DIAPH3: variants seen among roughly 807,000 people sequenced by gnomAD.
DIAPH3 encodes the protein protein diaphanous homolog 3.
Under a neutral mutation model 144.3 loss-of-function variants are expected in DIAPH3, and 117 were observed. The ratio of observed to expected loss-of-function variants is 0.81; its 90% CI spans 0.70 to 0.95. The LOEUF (loss-of-function observed/expected upper bound fraction) is 0.95. Among genes scored for constraint, DIAPH3 ranks in the 40% least tolerant of loss-of-function variants. The pLI is 0.00. For synonymous variants in DIAPH3, 519 were observed against 488.9 expected (o/e 1.06, Z -0.81); for missense variants, 1,421 against 1,412.7 (o/e 1.01, Z -0.09).
intron 24 of DIAPH3, among the ~76,000 whole-genome samples, chr13:59,831,749 T>C (rs1190496077): frequency 6.6e-6 from 1 of 151,884 alleles, no homozygotes; most frequent in African/African-American, 2.4e-5. Flanking sequence ...CTAGGTCTCT[T>C]AGTAGCCAGT....
chr13:59,698,984 C>T (rs1238606409), intron 27 of DIAPH3, among the ~76,000 whole-genome samples: 3 of 152,116 alleles, frequency 2.0e-5, no homozygotes, highest in African/African-American at 7.2e-5. Flanking sequence ...ATCTTTAATA[C>T]CCAATTATTA....
chr13:59,956,310 T>C (rs969287510), intron 17 of DIAPH3, among the ~76,000 whole-genome samples: 2 of 152,160 alleles, frequency 1.3e-5, no homozygotes, highest in Admixed American at 6.5e-5. Flanking sequence ...AATGATTTCG[T>C]AGGCGGGCCA....
chr13:59,976,377 T>C (rs1237909361), intron 14 of DIAPH3, among the ~76,000 whole-genome samples: 2 of 151,864 alleles, frequency 1.3e-5, no homozygotes, highest in Non-Finnish European at 2.9e-5. Context: ...ACTTAAATTA[T>C]CAAAAATAAA....
At chr13:59,871,609 C>A (rs79462837) in intron 21 of DIAPH3, among the ~76,000 whole-genome samples, 1 of 152,152 alleles carries the variant, frequency 6.6e-6, no homozygotes, top group Admixed American at 6.5e-5. Flanking sequence ...AATGTCGCAC[C>A]CAGCCAGGAT....
At chr13:60,112,687 G>T (rs2058600492) in intron 2 of DIAPH3, among the ~76,000 whole-genome samples, 1 of 152,070 alleles carries the variant, frequency 6.6e-6, no homozygotes, top group Non-Finnish European at 1.5e-5. Context: ...TCATAGCTTA[G>T]TGGCCTGATA....
intron 17 of DIAPH3, among the ~76,000 whole-genome samples, chr13:59,952,095 A>T (rs1046486275): frequency 2.0e-5 from 3 of 152,192 alleles, no homozygotes; most frequent in African/African-American, 7.2e-5. Context: ...CATAGCACTG[A>T]CACATGCTAC....
At chr13:59,724,670 G>A (rs921609575) in intron 27 of DIAPH3, among the ~76,000 whole-genome samples, 1 of 152,188 alleles carries the variant, frequency 6.6e-6, no homozygotes, top group African/African-American at 2.4e-5. Context: ...CCTTTCAAAA[G>A]GGGATGGGCC....
At chr13:59,846,806 T>C (rs1022204717) in intron 22 of DIAPH3, among the ~76,000 whole-genome samples, 3 of 152,200 alleles carry the variant, frequency 2.0e-5, no homozygotes, top group Admixed American at 2.0e-4. Context: ...CCGGGTGCAG[T>C]GGTTCACTCC....
intron 23 of DIAPH3, among the ~76,000 whole-genome samples, chr13:59,835,631 G>A (rs1206952101): frequency 6.6e-6 from 1 of 151,646 alleles, no homozygotes; most frequent in African/African-American, 2.4e-5. Flanking sequence ...AGGCAAGAAA[G>A]AAAGAACAGA....
intron 4 of DIAPH3, among the ~76,000 whole-genome samples, chr13:60,050,470 G>C (rs1204345689): frequency 6.6e-6 from 1 of 152,124 alleles, no homozygotes. Context: ...AAATGTTTTT[G>C]TATGATCTTG....
chr13:60,127,937 T>G (rs2059031269), intron 2 of DIAPH3, among the ~76,000 whole-genome samples: 1 of 152,174 alleles, frequency 6.6e-6, no homozygotes, highest in African/African-American at 2.4e-5. Context: ...CAGAGGTACA[T>G]GTGCAGGTTT....
chr13:59,892,540 G>A (rs983984006), intron 20 of DIAPH3, among the ~76,000 whole-genome samples: 1 of 151,774 alleles, frequency 6.6e-6, no homozygotes, highest in African/African-American at 2.4e-5. Context: ...TGGTATATAG[G>A]TAAGTAGATA....
intron 20 of DIAPH3, among the ~76,000 whole-genome samples, chr13:59,898,229 C>T (rs1335332269): frequency 2.0e-5 from 3 of 151,076 alleles, no homozygotes; most frequent in African/African-American, 7.3e-5. Flanking sequence ...ATCCACTATA[C>T]ACTACACACA....
intron 5 of DIAPH3, among the ~76,000 whole-genome samples, chr13:60,030,621 T>A (rs187464896): frequency 5.3e-5 from 8 of 152,154 alleles, no homozygotes; most frequent in Admixed American, 5.2e-4. Context: ...CAATACCGGG[T>A]CCCCTCCTCA....
At chr13:59,886,859 A>G (rs1173319050) in intron 20 of DIAPH3, among the ~76,000 whole-genome samples, 1 of 152,074 alleles carries the variant, frequency 6.6e-6, no homozygotes, top group Non-Finnish European at 1.5e-5. Flanking sequence ...AAAGAAAAAG[A>G]TGGTATACTT....
Position 59,998,854 on chromosome 13 carries a change from C to G in DIAPH3, c.1015-6271G>C, listed in dbSNP as rs186607039. 3.3e-4 allele frequency among the ~76,000 whole-genome samples: 50 copies of G among 152,058 alleles called. No homozygotes were observed. In the South Asian group the frequency reaches 1.0e-2, roughly 30 times the overall value. On this transcript the variant is annotated intron_variant, in intron 9 of 27. Coordinates refer to ENST00000400324, the MANE Select transcript of DIAPH3 (RefSeq NM_001042517.2). ...AAACAAATTAACATTTGCATCCTTC[C>G]GGGATAGCTCAACAATGATCCTAAA...
At chr13:59,844,858 A>C (rs1172236585) in intron 22 of DIAPH3, among the ~76,000 whole-genome samples, 2 of 152,148 alleles carry the variant, frequency 1.3e-5, no homozygotes, top group Non-Finnish European at 2.9e-5. Flanking sequence ...CACAGAAGGC[A>C]AAAGGACCAT....
intron 21 of DIAPH3, among the ~76,000 whole-genome samples, chr13:59,864,560 G>A (rs1003637723): frequency 1.3e-5 from 2 of 152,020 alleles, no homozygotes; most frequent in Non-Finnish European, 2.9e-5. Flanking sequence ...GCAACTGCTA[G>A]GATTAACGTA....
intron 27 of DIAPH3, among the ~76,000 whole-genome samples, chr13:59,745,642 A>G (rs528944352): frequency 6.1e-4 from 93 of 152,324 alleles, no homozygotes; most frequent in African/African-American, 2.0e-3. Flanking sequence ...CTGGTTAATC[A>G]GAAGCCCAGA....
Sources: gnomAD v4.1 joint callset for allele counts (sites outside exome capture counted in the v4.1 genomes callset) on GRCh38, gnomAD v4.1.1 for gene constraint, MANE v1.5 for transcripts, NCBI Gene and HGNC (gene_info 2026-07-23, HGNC 2026-07-21) for gene names.